Variants in ATAD2B observed in about 807,000 individuals in gnomAD.
The protein encoded by ATAD2B is ATPase family AAA domain containing 2B.
In ATAD2B, 40 loss-of-function variants were observed where a neutral mutation model predicts 167.6. The ratio of observed to expected loss-of-function variants is 0.24; its 90% CI spans 0.19 to 0.31. ATAD2B has a LOEUF of 0.31. ATAD2B is among the 10% of genes least tolerant of loss of function. The pLI is 1.00. For synonymous variants in ATAD2B, 579 were observed against 596.5 expected (o/e 0.97, Z 0.43); for missense variants, 1,242 against 1,757.2 (o/e 0.71, Z 5.24).
At chr2:23,735,466 T>C in the ATAD2B span, among the ~76,000 whole-genome samples, 2 of 152,196 alleles carry the variant, frequency 1.3e-5, no homozygotes, top group Non-Finnish European at 2.9e-5. Context: ...ATAAAAGATA[T>C]CACAAATGCA....
chr2:23,709,317 T>C, the ATAD2B span, among the ~76,000 whole-genome samples: 1 of 152,164 alleles, frequency 6.6e-6, no homozygotes, highest in Non-Finnish European at 1.5e-5. Context: ...GCTGGGATTA[T>C]AGGCGTGAGC....
chr2:23,833,913 T>A lies in ATAD2B; in HGVS notation c.1728+6A>T, dbSNP rs1380061309. ...ATGTTAACATATTGAAAACAAAAAC[T>A]CTTACCTTTTGATCAGGCAGGTTGA... On this transcript the variant is annotated splice_donor_region_variant and intron_variant, in intron 14 of 27. Coordinates refer to ENST00000238789, the MANE Select transcript of ATAD2B (RefSeq NM_017552.4). 2 of 1,597,746 alleles carry A rather than the reference T, an allele frequency of 1.3e-6. No homozygotes were observed. The highest frequency in any genetic ancestry group is 3.6e-5 in the Admixed American group (2 of 55,270).
chr2:23,900,888 T>A (rs1257351707), intron 1 of ATAD2B: 5 of 152,456 alleles, frequency 3.3e-5, no homozygotes, highest in Non-Finnish European at 7.3e-5. Flanking sequence ...TATATTTTTG[T>A]GACAGGCAAT....
At chr2:23,880,810 A>C in intron 6 of ATAD2B, 55 bp from the exon 7 acceptor site, 1 of 1,051,166 alleles carries the variant, frequency 9.5e-7, no homozygotes, top group Non-Finnish European at 1.4e-6. Context: ...ATTCAAAAGG[A>C]TTGGTCTACT....
chr2:23,808,302 G>A (rs1170008335), intron 18 of ATAD2B, among the ~76,000 whole-genome samples: 1 of 149,258 alleles, frequency 6.7e-6, no homozygotes, highest in East Asian at 1.9e-4. Context: ...AATAAAGATG[G>A]CTTCTTCCCC....
At chr2:23,912,283 G>A (rs1426069776) in intron 1 of ATAD2B, among the ~76,000 whole-genome samples, 2 of 152,064 alleles carry the variant, frequency 1.3e-5, no homozygotes, top group African/African-American at 4.8e-5. Context: ...GATCGCTTGA[G>A]TCTAGGAATT....
chr2:23,801,860 C>T (rs900986042), intron 18 of ATAD2B, among the ~76,000 whole-genome samples: 1 of 152,040 alleles, frequency 6.6e-6, no homozygotes, highest in Non-Finnish European at 1.5e-5. Context: ...GAGTTCTAAT[C>T]ATCTCAAAAG....
rs756126765 is a variant in ATAD2B, at chr2:23,863,537, G to T, written c.1323C>A (p.Gly441=). The T allele has an allele frequency of 1.7e-5, 27 of 1,570,976 alleles. No homozygotes were observed. The highest frequency in any genetic ancestry group is 2.3e-5 in the Non-Finnish European group (27 of 1,157,620). ...IQPPRGCLFY[G]PPGTGKTLVA... is the part of the protein sequence containing the mutation. Reference sequence around the variant, plus strand: ...CCAAGGTTTTACCTGTGCCAGGAGGGCCATAAAACAAACAGCCCCTAGAAG... The same window carrying T: ...CCAAGGTTTTACCTGTGCCAGGAGGTCCATAAAACAAACAGCCCCTAGAAG... The change falls in exon 12 of 28, where the codon GGC becomes GGA. Residue 441 remains glycine (G), a synonymous_variant. Coordinates refer to ENST00000238789, the MANE Select transcript of ATAD2B (RefSeq NM_017552.4).
intron 10 of ATAD2B, among the ~76,000 whole-genome samples, chr2:23,865,175 T>G (rs1694952534): frequency 6.6e-6 from 1 of 152,142 alleles, no homozygotes; most frequent in East Asian, 1.9e-4. Context: ...CCTAAAACTT[T>G]AATAGGTATC....
intron 13 of ATAD2B, 41 bp downstream of exon 13, chr2:23,857,374 C>T (rs370024517): frequency 8.9e-5 from 102 of 1,143,262 alleles, no homozygotes; most frequent in Non-Finnish European, 1.1e-4. Flanking sequence ...CAAGTCAATG[C>T]GTAAAAAAGA....
At chr2:23,701,808 T>C in the ATAD2B span, among the ~76,000 whole-genome samples, 70 of 142,998 alleles carry the variant, frequency 4.9e-4, 1 homozygote, top group African/African-American at 1.6e-3. Context: ...TTTTTTTTTT[T>C]TTTTTTTTTT....
the ATAD2B span, chr2:23,691,564 G>A: frequency 8.4e-6 from 7 of 833,502 alleles, no homozygotes; most frequent in Admixed American, 1.3e-4. Context: ...TGTCCTTTGA[G>A]CCCTAAAACC....
chr2:23,860,623 A>C (rs1694195330), intron 12 of ATAD2B, among the ~76,000 whole-genome samples: 1 of 152,186 alleles, frequency 6.6e-6, no homozygotes, highest in Admixed American at 6.6e-5. Context: ...TGAATTTTCC[A>C]TTTCTCCTGA....
At chr2:23,796,862 T>G (rs1236293159) in intron 19 of ATAD2B, among the ~76,000 whole-genome samples, 8 of 152,170 alleles carry the variant, frequency 5.3e-5, no homozygotes, top group Non-Finnish European at 7.4e-5. Flanking sequence ...AATGAAGCAA[T>G]TATACGTTCA....
At chr2:23,760,107 C>T (rs1676460852) in intron 24 of ATAD2B, among the ~76,000 whole-genome samples, 2 of 152,240 alleles carry the variant, frequency 1.3e-5, no homozygotes, top group Non-Finnish European at 2.9e-5. Flanking sequence ...GCTGGGAGCC[C>T]TGCTGAAGCA....
intron 7 of ATAD2B, among the ~76,000 whole-genome samples, chr2:23,878,745 A>G (rs1283674591): frequency 6.7e-6 from 1 of 149,298 alleles, no homozygotes; most frequent in East Asian, 1.9e-4. Flanking sequence ...CAAGCAACAG[A>G]CTGTCTTGTC....
intron 21 of ATAD2B, among the ~76,000 whole-genome samples, chr2:23,783,576 C>T (rs1402476224): frequency 6.6e-6 from 1 of 151,980 alleles, no homozygotes; most frequent in Non-Finnish European, 1.5e-5. Flanking sequence ...GTATAGTTTT[C>T]CTAACCAGTA....
At chr2:23,899,058 G>A (rs1247992845) in intron 1 of ATAD2B, among the ~76,000 whole-genome samples, 1 of 152,108 alleles carries the variant, frequency 6.6e-6, no homozygotes, top group Non-Finnish European at 1.5e-5. Context: ...TGAGGCAGGA[G>A]AATTGCTTGA....
At chr2:23,691,468 G>A in the ATAD2B span, 1 of 598,782 alleles carries the variant, frequency 1.7e-6, no homozygotes, top group South Asian at 2.0e-5. Context: ...GATAAGCAGG[G>A]TTTTCTGTTC....
Sources: allele counts gnomAD v4.1 joint callset (sites outside exome capture counted in the v4.1 genomes callset), GRCh38; gene constraint gnomAD v4.1.1; transcripts MANE v1.5; gene names NCBI Gene and HGNC (gene_info 2026-07-23, HGNC 2026-07-21).